The following CTNNA3 variants were observed in gnomAD, a reference collection of about 807,000 sequenced individuals.
The protein encoded by CTNNA3 is catenin alpha 3, also known as catenin alpha-3.
Under a neutral mutation model 95.7 loss-of-function variants are expected in CTNNA3, and 76 were observed. The ratio of observed to expected loss-of-function variants is 0.79; its 90% confidence interval spans 0.66 to 0.96. The LOEUF is 0.96. CTNNA3 is among the 40% of genes least tolerant of loss of function. The pLI, the probability that CTNNA3 is intolerant of heterozygous loss-of-function variation, is 0.00. For missense variants in CTNNA3, 1,191 were observed against 1,089.8 expected, an observed-to-expected ratio of 1.09 and a Z score of -1.31; for synonymous variants, 431 against 374.4, an observed-to-expected ratio of 1.15 and a Z score of -1.74.
intron 13 of CTNNA3, among the ~76,000 whole-genome samples, chr10:66,263,634 C>T (rs555659917): frequency 2.4e-4 from 36 of 152,076 alleles, no homozygotes; most frequent in African/African-American, 7.5e-4. Context: ...AATCCCCTCT[C>T]CCTGTCCCAA....
At chr10:67,027,322 T>G (rs1853448909) in intron 7 of CTNNA3, among the ~76,000 whole-genome samples, 2 of 152,216 alleles carry the variant, frequency 1.3e-5, no homozygotes, top group South Asian at 4.1e-4. Context: ...ACATCTGACA[T>G]TCAACTGACA....
intron 5 of CTNNA3, among the ~76,000 whole-genome samples, chr10:67,518,092 T>C (rs1353241112): frequency 2.0e-5 from 3 of 152,146 alleles, no homozygotes; most frequent in South Asian, 2.1e-4. Context: ...GTTAGGGTTA[T>C]TTTTCCGATG....
chr10:66,366,023 G>A (rs7897679), intron 12 of CTNNA3, among the ~76,000 whole-genome samples: 54,967 of 152,096 alleles, frequency 0.36, 11,375 homozygotes, highest in Non-Finnish European at 0.47. Context: ...GTTCATGACC[G>A]TCAGACATTA....
chr10:66,667,119 T>C lies in CTNNA3; in HGVS notation c.1282-45335A>G, dbSNP rs1485374829. ...ACCTACTTGTACAACTGTTGAAAGG[T>C]ATTTTCACTACCGCGAGGTTTCCAG... On this transcript the variant is annotated intron_variant, in intron 9 of 17. Coordinates refer to ENST00000433211, the MANE Select transcript of CTNNA3 (RefSeq NM_013266.4). Among the ~76,000 whole-genome samples the C allele has an allele frequency of 2.6e-5, 4 of 152,216 alleles. No individual in the cohort carries two copies. In the East Asian group the frequency reaches 7.7e-4, roughly 29 times the overall value.
At chr10:67,182,416 T>A (rs1486005797) in intron 6 of CTNNA3, among the ~76,000 whole-genome samples, 3 of 152,008 alleles carry the variant, frequency 2.0e-5, no homozygotes, top group Non-Finnish European at 4.4e-5. Flanking sequence ...TTGACAAACC[T>A]GAGAAAAACA....
At chr10:66,335,636 C>T (rs924543825) in intron 12 of CTNNA3, among the ~76,000 whole-genome samples, 1 of 152,062 alleles carries the variant, frequency 6.6e-6, no homozygotes, top group South Asian at 2.1e-4. Context: ...GTCAGTCTGC[C>T]CCTACTTTGG....
intron 13 of CTNNA3, among the ~76,000 whole-genome samples, chr10:66,108,008 T>C (rs1423675534): frequency 6.6e-6 from 1 of 151,712 alleles, no homozygotes; most frequent in Non-Finnish European, 1.5e-5. Context: ...ATGTCAGGAG[T>C]GGTCTCGCAC....
chr10:66,850,460 C>T (rs1843445091), intron 7 of CTNNA3, among the ~76,000 whole-genome samples: 1 of 151,786 alleles, frequency 6.6e-6, no homozygotes, highest in Admixed American at 6.6e-5. Flanking sequence ...TTTAATGAAC[C>T]CTTTTATAGG....
chr10:66,624,054 T>C (rs768452044), intron 9 of CTNNA3, among the ~76,000 whole-genome samples: 61 of 152,146 alleles, frequency 4.0e-4, no homozygotes, highest in Non-Finnish European at 8.8e-4. Flanking sequence ...ACATTTGATA[T>C]CCTTTGTGTA....
chr10:67,514,284 A>G (rs1432170591), intron 5 of CTNNA3, among the ~76,000 whole-genome samples: 2 of 152,206 alleles, frequency 1.3e-5, no homozygotes, highest in Non-Finnish European at 2.9e-5. Flanking sequence ...TGGGTAACAG[A>G]GCGAGATTGT....
intron 7 of CTNNA3, among the ~76,000 whole-genome samples, chr10:67,135,857 A>G (rs868493670): frequency 1.3e-5 from 2 of 152,312 alleles, no homozygotes; most frequent in South Asian, 4.1e-4. Context: ...ATTTCTTTTG[A>G]CCCAATTATA....
intron 7 of CTNNA3, among the ~76,000 whole-genome samples, chr10:67,074,499 C>T (rs1030896309): frequency 3.0e-4 from 45 of 151,686 alleles, no homozygotes; most frequent in Admixed American, 2.6e-4. Flanking sequence ...TACAGGCGCC[C>T]ACCACCACGC....
intron 5 of CTNNA3, among the ~76,000 whole-genome samples, chr10:67,227,925 A>T (rs1442006853): frequency 1.3e-5 from 2 of 152,234 alleles, no homozygotes; most frequent in African/African-American, 2.4e-5. Context: ...CATGGAAATT[A>T]AATAACGTGC....
chr10:66,968,925 G>A (rs1428481991), intron 7 of CTNNA3, among the ~76,000 whole-genome samples: 2 of 152,046 alleles, frequency 1.3e-5, no homozygotes, highest in South Asian at 2.1e-4. Context: ...GCTGAGGCAG[G>A]AGAATTGCTT....
intron 13 of CTNNA3, among the ~76,000 whole-genome samples, chr10:66,124,800 C>T (rs953797636): frequency 7.2e-5 from 11 of 152,108 alleles, no homozygotes; most frequent in African/African-American, 2.7e-4. Flanking sequence ...GAGACTCATT[C>T]ACTATCACAA....
chr10:66,060,180 T>A (rs1295218205), intron 15 of CTNNA3, among the ~76,000 whole-genome samples: 3 of 152,062 alleles, frequency 2.0e-5, no homozygotes, highest in Non-Finnish European at 2.9e-5. Context: ...TCAAGTGTTA[T>A]GAAAGTCACA....
intron 5 of CTNNA3, among the ~76,000 whole-genome samples, chr10:67,477,597 C>T (rs961565392): frequency 6.6e-6 from 1 of 152,164 alleles, no homozygotes; most frequent in Non-Finnish European, 1.5e-5. Context: ...CAAAAGACTA[C>T]CCATCATTGT....
At chr10:66,161,540 G>A (rs1012049483) in intron 13 of CTNNA3, among the ~76,000 whole-genome samples, 1 of 152,168 alleles carries the variant, frequency 6.6e-6, no homozygotes, top group African/African-American at 2.4e-5. Context: ...ATCCTTTCTA[G>A]CTTGTAGGGT....
At chr10:66,607,439 A>G (rs965053750) in intron 10 of CTNNA3, among the ~76,000 whole-genome samples, 1 of 144,836 alleles carries the variant, frequency 6.9e-6, no homozygotes, top group African/African-American at 2.6e-5. Flanking sequence ...TGAGGCTACC[A>G]TCATCCTGAA....
Sources: gnomAD v4.1 joint callset for allele counts (sites outside exome capture counted in the v4.1 genomes callset) on GRCh38, gnomAD v4.1.1 for gene constraint, MANE v1.5 for transcripts, NCBI Gene and HGNC (gene_info 2026-07-23, HGNC 2026-07-21) for gene names.